The following ADAM32 variants were observed in gnomAD, a reference collection of about 807,000 sequenced individuals.
ADAM32 encodes the protein ADAM metallopeptidase domain 32, also known as disintegrin and metalloproteinase domain-containing protein 32.
Under a neutral mutation model 114.9 loss-of-function variants are expected in ADAM32, and 89 were observed. The ratio of observed to expected loss-of-function variants is 0.77; its 90% CI spans 0.65 to 0.92. The LOEUF is 0.92. Among genes scored for constraint, ADAM32 ranks in the 40% least tolerant of loss-of-function variants. The probability of loss-of-function intolerance (pLI) is 0.00; values close to 1 mark genes in which losing one functional copy is unlikely to be tolerated. For missense variants in ADAM32, 870 were observed against 932.8 expected (o/e 0.93, Z 0.88); for synonymous variants, 285 against 307.5 (o/e 0.93, Z 0.77).
intron 12 of ADAM32, among the ~76,000 whole-genome samples, chr8:39,212,641 A>T (rs1808306610): frequency 6.6e-6 from 1 of 152,160 alleles, no homozygotes; most frequent in African/African-American, 2.4e-5. Flanking sequence ...TTCATATCAC[A>T]ATAGTTTCTC....
intron 5 of ADAM32, 127 bp from the exon 6 acceptor site, chr8:39,151,250 C>T (rs1363263590): frequency 1.2e-6 from 1 of 802,298 alleles, no homozygotes; most frequent in African/African-American, 1.8e-5. Flanking sequence ...AGAGTCATCT[C>T]TAAGACAGAA....
chr8:39,245,932 C>A, intron 16 of ADAM32, 151 bp from the exon 17 acceptor site: 12 of 574,874 alleles, frequency 2.1e-5, no homozygotes, highest in South Asian at 1.2e-4. Context: ...AAAAATAAAA[C>A]ACCCTTCTGG....
chr8:39,223,253 T>C lies in ADAM32; in HGVS notation c.1525+15T>C. On this transcript the variant is annotated intron_variant, in intron 14 of 24. Transcript: ENST00000379907. ...ATTTGGAAAAGGTAATATCTTTTTGTTACATCTCAATAGCCCTTAACATTG... is the reference window on the plus strand; with the variant it reads ...ATTTGGAAAAGGTAATATCTTTTTGCTACATCTCAATAGCCCTTAACATTG... 2 of 1,534,944 alleles carry C rather than the reference T, an allele frequency of 1.3e-6. No homozygotes were observed. The highest frequency in any genetic ancestry group is 1.8e-6 in the Non-Finnish European group (2 of 1,138,124).
At chr8:39,149,299 C>A (rs1192375018) in intron 4 of ADAM32, among the ~76,000 whole-genome samples, 1 of 151,904 alleles carries the variant, frequency 6.6e-6, no homozygotes, top group African/African-American at 2.4e-5. Context: ...ACCAAATGTC[C>A]CTGTTTATCT....
At chr8:39,211,393 A>G (rs1808207341) in intron 12 of ADAM32, 69 bp downstream of exon 12, 2 of 1,355,766 alleles carry the variant, frequency 1.5e-6, no homozygotes, top group Non-Finnish European at 9.6e-7. Flanking sequence ...CATAAATGTC[A>G]TATATCTCAA....
In ADAM32 at chr8:39,151,491, T is replaced by A. The variant is rs1460315424; in HGVS notation, c.468T>A (p.Phe156Leu). ...LKNEDNDIAI[F>L]IDRSLKEQPM... ...ATGAAGACAATGATATTGCAATTTTTATTGACAGAAGCCTGAAAGAACAAC... is the reference window on the plus strand; with the variant it reads ...ATGAAGACAATGATATTGCAATTTTAATTGACAGAAGCCTGAAAGAACAAC... Residue 156 changes from phenylalanine (F) to leucine (L), a missense_variant, in exon 6 of 25, where the codon TTT becomes TTA. Transcript: ENST00000379907. The A allele has an allele frequency of 6.2e-7, 1 of 1,600,694 alleles. No individual in the cohort carries two copies. Among genetic ancestry groups the A allele is most frequent in the Admixed American group, 1.8e-5 (1 of 57,004 alleles).
rs780572048 is a variant in ADAM32, at chr8:39,257,145, T to C, written c.2006-42T>C. The stretch of plus-strand genomic sequence containing the variant: ...GCAACTTGAAAGTAAAAGTAGATAG[T>C]TTAATTTTTTTGTTTTTTTTTTTTT... On this transcript the variant is annotated intron_variant, in intron 18 of 24. Transcript: ENST00000379907. The C allele has an allele frequency of 8.7e-6, 13 of 1,486,226 alleles. No individual in the cohort carries two copies. In the East Asian group the frequency reaches 3.1e-4, roughly 36 times the overall value. 92.1% of individuals were successfully genotyped at this position (1,486,226 alleles called of 1,614,324 possible).
At chr8:39,218,963 G>T (rs755493116) in intron 12 of ADAM32, among the ~76,000 whole-genome samples, 4 of 152,094 alleles carry the variant, frequency 2.6e-5, no homozygotes, top group Non-Finnish European at 5.9e-5. Context: ...CCCAAGGGCT[G>T]TTTAGTGAGT....
At chr8:39,274,483 T>C in intron 21 of ADAM32, 133 bp downstream of exon 21, 1 of 931,906 alleles carries the variant, frequency 1.1e-6, no homozygotes, top group Admixed American at 2.6e-5. Context: ...AGACTGCTAA[T>C]ATACAGTTGA....
chr8:39,204,267 A>G (rs927106739), intron 11 of ADAM32, among the ~76,000 whole-genome samples: 31 of 152,328 alleles, frequency 2.0e-4, no homozygotes, highest in African/African-American at 7.5e-4. Flanking sequence ...TTTCAGGTAC[A>G]CCAATCAGAC....
Position 39,169,997 on chromosome 8 carries a change from G to A in ADAM32, c.915G>A (p.Leu305=). The change falls in exon 10 of 25, where the codon TTG becomes TTA. Residue 305 remains leucine, a splice_region_variant and synonymous_variant. Transcript: ENST00000379907. ...CITRYSAGVA[L]YPKEITLEAF... is the part of the protein sequence containing the mutation. ...CTCGTTATTCTGCAGGAGTTGCATT[G>A]GTATGTAACTATTTAATCTTATTTT... The A allele has an allele frequency of 6.4e-7, 1 of 1,566,070 alleles. No homozygotes were observed. The highest frequency in any genetic ancestry group is 8.7e-7 in the Non-Finnish European group (1 of 1,146,378).
At chr8:39,116,927 A>G (rs931648027) in intron 1 of ADAM32, among the ~76,000 whole-genome samples, 4 of 151,786 alleles carry the variant, frequency 2.6e-5, no homozygotes, top group African/African-American at 9.7e-5. Context: ...TCTGTTGCCC[A>G]GGCTGTAGTG....
intron 22 of ADAM32, among the ~76,000 whole-genome samples, chr8:39,277,515 C>G (rs1380595473): frequency 1.3e-5 from 2 of 152,206 alleles, no homozygotes; most frequent in Non-Finnish European, 2.9e-5. Context: ...TTCCCTGACC[C>G]CTTCAGGGGA....
At chr8:39,283,236 C>A (rs1357859724) in intron 23 of ADAM32, among the ~76,000 whole-genome samples, 1 of 151,752 alleles carries the variant, frequency 6.6e-6, no homozygotes, top group African/African-American at 2.4e-5. Flanking sequence ...AGTGAAATCC[C>A]ATTTCTACAA....
At chr8:39,267,900 T>C (rs2129451175) in intron 19 of ADAM32, among the ~76,000 whole-genome samples, 1 of 152,298 alleles carries the variant, frequency 6.6e-6, no homozygotes, top group East Asian at 1.9e-4. Context: ...AGATGTGGAA[T>C]GTGGGCTCTA....
At chr8:39,119,258 G>T (rs1345067978) in intron 2 of ADAM32, among the ~76,000 whole-genome samples, 1 of 152,148 alleles carries the variant, frequency 6.6e-6, no homozygotes, top group African/African-American at 2.4e-5. Context: ...CACATGATAA[G>T]TTTGTGTTTA....
chr8:39,213,025 A>G (rs1217276792), intron 12 of ADAM32, among the ~76,000 whole-genome samples: 1 of 152,164 alleles, frequency 6.6e-6, no homozygotes, highest in East Asian at 1.9e-4. Flanking sequence ...TTTTAAAAAC[A>G]ATTATTTTCA....
At chr8:39,282,407 A>G (rs1813477958) in intron 23 of ADAM32, among the ~76,000 whole-genome samples, 1 of 152,202 alleles carries the variant, frequency 6.6e-6, no homozygotes, top group South Asian at 2.1e-4. Flanking sequence ...AAAATATGCC[A>G]TAATCATATC....
chr8:39,224,010 G>A (rs1809172382), intron 14 of ADAM32: 1 of 152,010 alleles, frequency 6.6e-6, no homozygotes. Context: ...ATTGCATTTT[G>A]TGTGTTTGTG....
Sources: allele counts gnomAD v4.1 joint callset (sites outside exome capture counted in the v4.1 genomes callset), GRCh38; gene constraint gnomAD v4.1.1; transcripts MANE v1.5; gene names NCBI Gene and HGNC (gene_info 2026-07-23, HGNC 2026-07-21).